The following KMT5B variants were observed in gnomAD, a reference collection of about 807,000 sequenced individuals.
The protein encoded by KMT5B is lysine methyltransferase 5B, also known as histone-lysine N-methyltransferase KMT5B.
In KMT5B, 10 loss-of-function variants were observed where a neutral mutation model predicts 83.2. That is an observed-to-expected ratio of 0.12 (90% confidence interval 0.07 to 0.20). The LOEUF is 0.20. Among genes scored for constraint, KMT5B ranks in the 10% least tolerant of loss-of-function variants. The probability of loss-of-function intolerance (pLI) is 1.00; values close to 1 mark genes in which losing one functional copy is unlikely to be tolerated. For synonymous variants in KMT5B, 349 were observed against 388.8 expected (o/e 0.90, Z 1.20); for missense variants, 753 against 1,067.2 (o/e 0.71, Z 4.10).
chr11:68,213,339 G>C (rs1861231083), upstream of KMT5B: 3 of 147,480 alleles, frequency 2.0e-5, no homozygotes, highest in South Asian at 5.4e-4. Flanking sequence ...CCGCTGACGG[G>C]AAAAATGAGT....
At position 68,190,124 on chromosome 11, in the gene KMT5B, A is replaced by G. The variant is rs1395777199; in HGVS notation, c.-48T>C. The G allele has an allele frequency of 2.9e-5, 45 of 1,556,712 alleles. No homozygotes were observed. Among genetic ancestry groups the G allele is most frequent in the Non-Finnish European group, 3.9e-5 (44 of 1,134,298 alleles). ...GTGCATTTAGTCACTCTCTTCAAAT[A>G]GCTTAGAGAATACTTTCAATGTTCT... On this transcript the variant is annotated 5_prime_UTR_variant, in exon 2 of 11. Transcript: ENST00000304363.
chr11:68,166,617 TAG>T (rs1270796908), intron 10 of KMT5B: 2 of 1,038,858 alleles, frequency 1.9e-6, no homozygotes, highest in East Asian at 8.2e-5. Flanking sequence ...CTGGAATGTA[TAG>T]AGTCTAATTT....
chr11:68,203,196 G>A (rs1429010248), intron 1 of KMT5B, among the ~76,000 whole-genome samples: 1 of 151,884 alleles, frequency 6.6e-6, no homozygotes, highest in Non-Finnish European at 1.5e-5. Context: ...GGCTGGTCTC[G>A]AACTCCTGAC....
intron 1 of KMT5B, among the ~76,000 whole-genome samples, chr11:68,199,103 G>A (rs779178867): frequency 2.0e-5 from 3 of 151,606 alleles, no homozygotes; most frequent in Non-Finnish European, 1.5e-5. Flanking sequence ...TTTTTTTTTA[G>A]TTACAAATCC....
rs1348550235 is a variant in KMT5B at position 68,155,936 on chromosome 11, A to C, written c.*1752T>G. ...TGCAGAAGTAGTTCCTTAGAGAACC[A>C]GGAGAAAACAATCTACTTTCTAAAA... On this transcript the variant is annotated 3_prime_UTR_variant, in exon 11 of 11. Transcript: ENST00000304363. The C allele has an allele frequency of 6.6e-6, 1 of 152,264 alleles. No homozygotes were observed. Among genetic ancestry groups the C allele is most frequent in the African/African-American group, 2.4e-5 (1 of 41,476 alleles). The allele number at this position is 152,264 out of a possible 1,614,324, so 9.4% of individuals were successfully genotyped here.
Position 68,189,978 on chromosome 11 carries a change from C to G in KMT5B, c.99G>C (p.Gln33His). 6.2e-7 allele frequency: 1 copy of G among 1,614,166 alleles called. No individual in the cohort carries two copies. Among genetic ancestry groups the G allele is most frequent in the South Asian group, 1.1e-5 (1 of 91,090 alleles). The change falls in exon 2 of 11, where the codon CAG becomes CAC. Residue 33 changes from glutamine to histidine, a missense_variant. Around this residue, in one of 9 missense-constraint regions of KMT5B, gnomAD observed 56 missense variants for 91.4 expected, o/e 0.61. Coordinates refer to ENST00000304363, the MANE Select transcript of KMT5B (RefSeq NM_017635.5). ...CCTTCAGGGTGTCCTTCCCCGTGTG[C>G]TGTAATTTTGATTGATTCTGCTGAT... ...NDHQQNQSKL[Q>H]HTGKDTLKAG...
intron 2 of KMT5B, 85 bp downstream of exon 2, chr11:68,189,832 A>G (rs1857848263): frequency 1.5e-6 from 2 of 1,337,190 alleles, no homozygotes; most frequent in Non-Finnish European, 1.0e-6. Flanking sequence ...TTAAGACAAA[A>G]GAAAACAGAA....
chr11:68,199,045 T>G (rs1053962200), intron 1 of KMT5B, among the ~76,000 whole-genome samples: 1 of 152,210 alleles, frequency 6.6e-6, no homozygotes, highest in Admixed American at 6.5e-5. Context: ...GACCACTTCT[T>G]AAATGGTGTA....
At chr11:68,206,164 A>G (rs922440369) in intron 1 of KMT5B, among the ~76,000 whole-genome samples, 1 of 152,214 alleles carries the variant, frequency 6.6e-6, no homozygotes, top group African/African-American at 2.4e-5. Context: ...CTTCCAGAAG[A>G]AAACAAAAAA....
chr11:68,206,731 G>A (rs1406705808), intron 1 of KMT5B, among the ~76,000 whole-genome samples: 4 of 152,036 alleles, frequency 2.6e-5, no homozygotes, highest in East Asian at 3.9e-4. Context: ...AAGCAGGCCA[G>A]AAACATTCTT....
At chr11:68,185,655 C>T in intron 3 of KMT5B, 126 bp downstream of exon 3, 1 of 875,500 alleles carries the variant, frequency 1.1e-6, no homozygotes. Context: ...AGACAGAAAA[C>T]CCTTCCACTG....
intron 10 of KMT5B, chr11:68,166,537 G>T (rs191847507): frequency 9.9e-6 from 10 of 1,005,986 alleles, no homozygotes; most frequent in Non-Finnish European, 1.2e-5. Flanking sequence ...CAATGAAAAG[G>T]TGGAAGCCTT....
intron 3 of KMT5B, among the ~76,000 whole-genome samples, chr11:68,181,690 G>C (rs746573914): frequency 9.9e-5 from 15 of 152,076 alleles, no homozygotes; most frequent in Admixed American, 7.9e-4. Context: ...GTCACATTCT[G>C]GTAAATTCTT....
In KMT5B at chr11:68,185,935, A is replaced by G. The variant is rs1565240959; in HGVS notation, c.161-7T>C. 1 of 1,568,742 alleles carries G rather than the reference A, an allele frequency of 6.4e-7. No individual in the cohort carries two copies. The highest frequency in any genetic ancestry group is 8.7e-7 in the Non-Finnish European group (1 of 1,155,624). ...AATCCCGAGTTACCATTACCTGTGA[A>G]AAGCAAAAGCAAGAAAAATTACTCA... On this transcript the variant is annotated splice_region_variant and splice_polypyrimidine_tract_variant and intron_variant, in intron 2 of 10. Transcript: ENST00000304363.
intron 3 of KMT5B, among the ~76,000 whole-genome samples, chr11:68,180,776 G>A (rs1310715227): frequency 1.3e-5 from 2 of 152,066 alleles, no homozygotes; most frequent in Admixed American, 6.6e-5. Flanking sequence ...TGAAAGCATC[G>A]ATCCCTTTCT....
At chr11:68,193,925 A>G (rs1404643034) in intron 1 of KMT5B, among the ~76,000 whole-genome samples, 5 of 151,532 alleles carry the variant, frequency 3.3e-5, no homozygotes, top group Non-Finnish European at 7.4e-5. Context: ...TCAGCCTCCC[A>G]AAGTGTTAGG....
At chr11:68,208,009 T>C (rs1057160937) in intron 1 of KMT5B, among the ~76,000 whole-genome samples, 17 of 150,254 alleles carry the variant, frequency 1.1e-4, no homozygotes, top group African/African-American at 3.7e-4. Context: ...CAGCTAATTT[T>C]TGTATTTTCA....
At chr11:68,196,229 T>C (rs992836307) in intron 1 of KMT5B, among the ~76,000 whole-genome samples, 1 of 152,096 alleles carries the variant, frequency 6.6e-6, no homozygotes, top group Non-Finnish European at 1.5e-5. Context: ...CTTTCTCCTC[T>C]GTCTGCCTGG....
At chr11:68,186,833 T>G (rs78559389) in intron 2 of KMT5B, among the ~76,000 whole-genome samples, 45 of 152,348 alleles carry the variant, frequency 3.0e-4, no homozygotes, top group Non-Finnish European at 5.1e-4. Context: ...TTTCATCCAC[T>G]CTTTCACAGA....
Sources: gnomAD v4.1 joint callset for allele counts (sites outside exome capture counted in the v4.1 genomes callset) on GRCh38, gnomAD v4.1.1 for gene constraint, gnomAD v4.1.1 regional missense constraint, MANE v1.5 for transcripts, NCBI Gene and HGNC (gene_info 2026-07-23, HGNC 2026-07-21) for gene names.